The following OXR1 variants were observed in gnomAD, a reference collection of about 807,000 sequenced individuals.
OXR1 encodes the protein oxidation resistance protein 1.
OXR1 carries 41 observed loss-of-function variants against 104.6 expected under a neutral mutation model. The ratio of observed to expected loss-of-function variants is 0.39; its 90% CI spans 0.31 to 0.51. The LOEUF is 0.51. Ranked by LOEUF, OXR1 falls within the 20% of genes least tolerant of loss-of-function variation. The pLI, the probability that OXR1 is intolerant of heterozygous loss-of-function variation, is 0.77. For synonymous variants in OXR1, 348 were observed against 348.4 expected (o/e 1.00, Z 0.01); for missense variants, 955 against 1,031.9 (o/e 0.93, Z 1.02).
chr8:106,725,288 G>A (rs1052287652), intron 11 of OXR1, among the ~76,000 whole-genome samples: 15 of 152,050 alleles, frequency 9.9e-5, no homozygotes, highest in African/African-American at 3.1e-4. Flanking sequence ...GCAGTATTGC[G>A]TGTTAGAAAG....
intron 3 of OXR1, among the ~76,000 whole-genome samples, chr8:106,570,046 C>T (rs1344065102): frequency 1.3e-5 from 2 of 152,156 alleles, no homozygotes; most frequent in African/African-American, 2.4e-5. Context: ...CATGGTGAAG[C>T]TTTGATGCTT....
At chr8:106,507,152 G>T (rs1462380728) in intron 2 of OXR1, among the ~76,000 whole-genome samples, 1 of 152,226 alleles carries the variant, frequency 6.6e-6, no homozygotes, top group African/African-American at 2.4e-5. Flanking sequence ...GGAGAATTAT[G>T]TCAGGGAATC....
intron 3 of OXR1, among the ~76,000 whole-genome samples, chr8:106,561,277 G>C (rs1816658970): frequency 6.6e-6 from 1 of 152,104 alleles, no homozygotes; most frequent in Non-Finnish European, 1.5e-5. Flanking sequence ...TGGGATGCTG[G>C]AGCTTGGTGG....
intron 3 of OXR1, among the ~76,000 whole-genome samples, chr8:106,581,827 C>A (rs1473756111): frequency 5.3e-5 from 8 of 151,718 alleles, no homozygotes; most frequent in African/African-American, 1.9e-4. Flanking sequence ...AGTTCAAGAC[C>A]AGCCTGACCA....
intron 3 of OXR1, among the ~76,000 whole-genome samples, chr8:106,529,529 G>C (rs1019594488): frequency 2.0e-5 from 3 of 152,234 alleles, no homozygotes; most frequent in Admixed American, 2.0e-4. Flanking sequence ...ATGTTTGCTT[G>C]ATATTCCTAT....
intron 7 of OXR1, among the ~76,000 whole-genome samples, chr8:106,702,584 A>G (rs1830682948): frequency 1.3e-5 from 2 of 152,190 alleles, no homozygotes; most frequent in Admixed American, 1.3e-4. Context: ...GCAGTATGCA[A>G]ATTAACATAA....
chr8:106,594,808 CT>C (rs1184218710), intron 3 of OXR1, among the ~76,000 whole-genome samples: 1 of 152,204 alleles, frequency 6.6e-6, no homozygotes, highest in African/African-American at 2.4e-5. Context: ...GCTCTCCTCC[CT>C]TGGAAGGTGC....
At chr8:106,327,251 C>T (rs1486694166) in intron 1 of OXR1, among the ~76,000 whole-genome samples, 1 of 152,056 alleles carries the variant, frequency 6.6e-6, no homozygotes, top group Non-Finnish European at 1.5e-5. Context: ...ATATAGTGAG[C>T]AATTTTATGT....
intron 2 of OXR1, among the ~76,000 whole-genome samples, chr8:106,371,217 A>G (rs952060360): frequency 1.3e-5 from 2 of 151,916 alleles, no homozygotes; most frequent in African/African-American, 4.8e-5. Context: ...CTCTGATAGT[A>G]ATTTTTATTT....
chr8:106,367,847 C>T (rs757521500), intron 2 of OXR1, among the ~76,000 whole-genome samples: 4 of 151,908 alleles, frequency 2.6e-5, no homozygotes, highest in African/African-American at 4.8e-5. Context: ...AGAGGAAAAC[C>T]ATTTCAGGCA....
chr8:106,713,365 T>C (rs905193247), intron 10 of OXR1, among the ~76,000 whole-genome samples: 1 of 151,948 alleles, frequency 6.6e-6, no homozygotes, highest in Non-Finnish European at 1.5e-5. Context: ...CAACACTGTA[T>C]GTTCCTAGTA....
At chr8:106,467,869 G>A (rs1821259747) in intron 2 of OXR1, among the ~76,000 whole-genome samples, 1 of 151,862 alleles carries the variant, frequency 6.6e-6, no homozygotes, top group Admixed American at 6.6e-5. Context: ...TATCCAAATT[G>A]TACCAATGGA....
chr8:106,731,389 C>G (rs779681678), intron 11 of OXR1, among the ~76,000 whole-genome samples: 9 of 152,056 alleles, frequency 5.9e-5, no homozygotes, highest in Non-Finnish European at 1.0e-4. Flanking sequence ...TTGACAGTGT[C>G]TTTCACACAG....
chr8:106,707,521 A>T (rs1297228031), intron 9 of OXR1: 6 of 366,398 alleles, frequency 1.6e-5, no homozygotes, highest in Non-Finnish European at 2.9e-5. Flanking sequence ...TTTCATATAT[A>T]ACATTTTAAT....
intron 7 of OXR1, among the ~76,000 whole-genome samples, chr8:106,699,283 G>A (rs191986495): frequency 7.6e-4 from 115 of 152,236 alleles, no homozygotes; most frequent in African/African-American, 2.7e-3. Context: ...GGATAGCTGC[G>A]ATACATGTAG....
At chr8:106,659,206 G>T (rs1825491584) in intron 3 of OXR1, among the ~76,000 whole-genome samples, 1 of 152,130 alleles carries the variant, frequency 6.6e-6, no homozygotes. Context: ...TGATCCTCCT[G>T]CCTAGGCCTT....
At chr8:106,516,798 C>A (rs1310171880) in intron 2 of OXR1, among the ~76,000 whole-genome samples, 1 of 152,016 alleles carries the variant, frequency 6.6e-6, no homozygotes, top group Non-Finnish European at 1.5e-5. Flanking sequence ...AAGAGAGAGA[C>A]CTCATTCATG....
intron 1 of OXR1, among the ~76,000 whole-genome samples, chr8:106,277,084 T>C (rs574253488): frequency 4.9e-4 from 74 of 152,336 alleles, no homozygotes; most frequent in Middle Eastern, 6.8e-3. Context: ...TCTGAAAACC[T>C]GTTGTATGTT....
chr8:106,573,716 C>A (rs1251338645), intron 3 of OXR1, among the ~76,000 whole-genome samples: 1 of 152,092 alleles, frequency 6.6e-6, no homozygotes, highest in Non-Finnish European at 1.5e-5. Context: ...AGCAAGATGT[C>A]TTTATGCTTA....
Sources: allele counts gnomAD v4.1 joint callset (sites outside exome capture counted in the v4.1 genomes callset), GRCh38; gene constraint gnomAD v4.1.1; transcripts MANE v1.5; gene names NCBI Gene and HGNC (gene_info 2026-07-23, HGNC 2026-07-21).